Variants in ANKRD28 observed in about 807,000 individuals in gnomAD.
ANKRD28 encodes the protein ankyrin repeat domain 28.
In ANKRD28, 44 loss-of-function variants were observed where a neutral mutation model predicts 126.5. That is an observed-to-expected ratio of 0.35 (90% CI 0.27 to 0.45). The LOEUF (loss-of-function observed/expected upper bound fraction) is 0.45, where lower values mean the gene tolerates loss of function less well. Ranked by LOEUF, ANKRD28 falls within the 20% of genes least tolerant of loss-of-function variation. ANKRD28 has a pLI of 1.00. For synonymous variants in ANKRD28, 442 were observed against 468.5 expected, an observed-to-expected ratio of 0.94 and a Z score of 0.73; for missense variants, 1,110 against 1,316.6, an observed-to-expected ratio of 0.84 and a Z score of 2.43.
intron 9 of ANKRD28, 69 bp from the exon 10 acceptor site, chr3:15,713,710 G>T: frequency 1.0e-6 from 1 of 1,002,226 alleles, no homozygotes; most frequent in Non-Finnish European, 1.4e-6. Context: ...TACATGAAAA[G>T]TAATAAAAAA....
In ANKRD28 at chr3:15,690,213, T is replaced by C. The variant is rs1467133879; in HGVS notation, c.1769A>G (p.His590Arg). 7 of 1,594,568 alleles carry C rather than the reference T, an allele frequency of 4.4e-6. No individual in the cohort carries two copies. The highest frequency in any genetic ancestry group is 4.0e-5 in the African/African-American group (3 of 74,390). Reference protein sequence around the residue: ...TISPLHLAAYHGHHQALEVLV... With the variant: ...TISPLHLAAYRGHHQALEVLV... ...CACTTCCAGTGCTTGATGGTGACCA[T>C]GATAGGCCTAGAAATAAATAAAAAT... The change falls in exon 18 of 28, where the codon CAT becomes CGT. Residue 590 changes from histidine to arginine, a missense_variant. Physicochemically the swap from His to Arg is conservative, Grantham distance 29 (BLOSUM62 0). Transcript: ENST00000683139.
intron 2 of ANKRD28, among the ~76,000 whole-genome samples, chr3:15,790,138 G>A (rs66803844): frequency 0.14 from 20,860 of 152,006 alleles, 2,156 homozygotes; most frequent in East Asian, 0.58. Context: ...CAAGTAATGA[G>A]ATCAAAGCTG....
At chr3:15,825,679 AAC>A (rs1281871427) in intron 1 of ANKRD28, among the ~76,000 whole-genome samples, 4 of 152,188 alleles carry the variant, frequency 2.6e-5, no homozygotes, top group Non-Finnish European at 5.9e-5. Flanking sequence ...TGACCCCTAA[AAC>A]AAAGTAGACT....
chr3:15,824,984 G>C (rs2061027330), intron 1 of ANKRD28, among the ~76,000 whole-genome samples: 1 of 152,120 alleles, frequency 6.6e-6, no homozygotes, highest in Non-Finnish European at 1.5e-5. Context: ...TGGGGGTGAG[G>C]GGTAGTACAA....
At chr3:15,787,947 T>A (rs1188307304) in intron 2 of ANKRD28, among the ~76,000 whole-genome samples, 1 of 152,182 alleles carries the variant, frequency 6.6e-6, no homozygotes, top group Non-Finnish European at 1.5e-5. Context: ...CAGAAGCCAA[T>A]AAGCAGAATA....
chr3:15,757,988 G>T (rs1181301731), intron 3 of ANKRD28, among the ~76,000 whole-genome samples: 1 of 152,158 alleles, frequency 6.6e-6, no homozygotes, highest in Non-Finnish European at 1.5e-5. Flanking sequence ...GCCAGAGTCT[G>T]TATGGCCTGT....
At chr3:15,779,631 G>A (rs1022325539) in intron 2 of ANKRD28, among the ~76,000 whole-genome samples, 3 of 152,142 alleles carry the variant, frequency 2.0e-5, no homozygotes, top group East Asian at 1.9e-4. Context: ...TGCCTCATCT[G>A]TAACGGAGTT....
At chr3:15,766,681 CA>C (rs200877366) in intron 2 of ANKRD28, among the ~76,000 whole-genome samples, 1 of 148,738 alleles carries the variant, frequency 6.7e-6, no homozygotes, top group African/African-American at 2.5e-5. Context: ...CTATTAAAAA[CA>C]AAAAAAAACA....
chr3:15,715,353 C>T lies in ANKRD28; in HGVS notation c.997-697G>A, dbSNP rs73036019. Among the ~76,000 whole-genome samples, 839 of 152,296 alleles carry T rather than the reference C, an allele frequency of 5.5e-3. 7 individuals are homozygous for T. The highest frequency in any genetic ancestry group is 0.014 in the Middle Eastern group (4 of 294). ...ACAGCAACATTCAGCATGCCTTCTG[C>T]ATAGGTACTAAAATGGAAATGTCAC... is the stretch of plus-strand genomic sequence containing the variant. On this transcript the variant is annotated intron_variant, in intron 8 of 27. Coordinates refer to ENST00000683139, the MANE Select transcript of ANKRD28 (RefSeq NM_001349278.2).
At chr3:15,694,663 G>T in intron 17 of ANKRD28, 76 bp downstream of exon 17, 1 of 1,275,668 alleles carries the variant, frequency 7.8e-7, no homozygotes, top group Non-Finnish European at 1.1e-6. Flanking sequence ...GTACTAGTTT[G>T]AGTCAACACA....
In ANKRD28 at chr3:15,850,200, AAAAAAT is replaced by A. The variant is rs1410716996; in HGVS notation, c.27+9171_27+9176del. Reference sequence around the variant, plus strand: ...GGTATCTACATGCAATAAAAAAAAAAAAAAATATATATATATATATATATAGAGAGA... The same window carrying A: ...GGTATCTACATGCAATAAAAAAAAAAATATATATATATATATATAGAGAGA... On this transcript the variant is annotated intron_variant, in intron 1 of 27. Transcript: ENST00000399451. 3.2e-3 allele frequency among the ~76,000 whole-genome samples: 152 copies of A among 47,654 alleles called. 1 individual carries two copies. Among genetic ancestry groups the A allele is most frequent in the Non-Finnish European group, 5.3e-3 (122 of 23,148 alleles). 31.3% of individuals were successfully genotyped at this position (47,654 alleles called of 152,430 possible). A position where few individuals can be genotyped will look rare whatever the true frequency, so the allele number is the denominator to read the frequency against.
In ANKRD28 at chr3:15,707,991, C is replaced by T. The variant is rs777128523; in HGVS notation, c.1480G>A (p.Val494Met). The T allele has an allele frequency of 6.2e-7, 1 of 1,612,106 alleles. No individual in the cohort carries two copies. Among genetic ancestry groups the T allele is most frequent in the South Asian group, 1.1e-5 (1 of 90,604 alleles). ...CAGCCTCTTTCATCAAGGTCATTCA[C>T]ACTTGCTCCTGATCCCACAAGAGCA... ...LFALVGSGAS[V>M]NDLDERGCTP... Residue 494 changes from valine (V) to methionine (M), a missense_variant, in exon 14 of 28, where the codon GTG becomes ATG. Physicochemically the swap from Val to Met is conservative, Grantham distance 21. Coordinates refer to ENST00000683139, the MANE Select transcript of ANKRD28 (RefSeq NM_001349278.2).
chr3:15,842,025 T>C (rs2061433059), intron 1 of ANKRD28, among the ~76,000 whole-genome samples: 1 of 149,492 alleles, frequency 6.7e-6, no homozygotes, highest in Admixed American at 6.7e-5. Flanking sequence ...ATGTTATATA[T>C]TGTGTATAAT....
chr3:15,714,485 C>T (rs2072749216), intron 9 of ANKRD28, 93 bp downstream of exon 9: 1 of 855,264 alleles, frequency 1.2e-6, no homozygotes, highest in Non-Finnish European at 1.7e-6. Context: ...AATGCGATGA[C>T]AATTCCTCAA....
At position 15,812,215 on chromosome 3, in the gene ANKRD28, C is replaced by A. The variant is rs563889755; in HGVS notation, c.28-16909G>T. ...AATAAAATGTTTCTAAGATGATAATCAAAGATGGCATCATAGAGCTGGGCA... is the reference window on the plus strand; with the variant it reads ...AATAAAATGTTTCTAAGATGATAATAAAAGATGGCATCATAGAGCTGGGCA... On this transcript the variant is annotated intron_variant, in intron 1 of 27. Coordinates refer to the ANKRD28 transcript ENST00000399451. The surrounding 1 kb of genome is among the most constrained non-coding windows in gnomAD (Gnocchi z 4.1). Among the ~76,000 whole-genome samples the A allele has an allele frequency of 1.3e-5, 2 of 152,088 alleles. No individual in the cohort carries two copies. The highest frequency in any genetic ancestry group is 2.9e-5 in the Non-Finnish European group (2 of 67,996).
At chr3:15,682,290 G>A (rs1057313281) in intron 21 of ANKRD28, among the ~76,000 whole-genome samples, 2 of 152,076 alleles carry the variant, frequency 1.3e-5, no homozygotes, top group African/African-American at 4.8e-5. Flanking sequence ...TTCTAATACA[G>A]TCAGTATCAA....
At chr3:15,849,653 G>T (rs1239471800) in intron 1 of ANKRD28, among the ~76,000 whole-genome samples, 1 of 152,038 alleles carries the variant, frequency 6.6e-6, no homozygotes, top group African/African-American at 2.4e-5. Context: ...TATTCTTAAG[G>T]AAGTAATCCT....
At chr3:15,703,930 G>C (rs2070985732) in intron 14 of ANKRD28, among the ~76,000 whole-genome samples, 1 of 152,116 alleles carries the variant, frequency 6.6e-6, no homozygotes, top group Non-Finnish European at 1.5e-5. Context: ...CATACACACA[G>C]AGCAATATAA....
intron 1 of ANKRD28, among the ~76,000 whole-genome samples, chr3:15,836,897 G>A (rs1010156611): frequency 9.9e-5 from 15 of 151,004 alleles, no homozygotes; most frequent in Admixed American, 2.0e-4. Context: ...CCAGGAGATC[G>A]ACACCATCCT....
Sources: gnomAD v4.1 joint callset for allele counts (sites outside exome capture counted in the v4.1 genomes callset) on GRCh38, gnomAD v4.1.1 for gene constraint, Gnocchi (gnomAD v3.1) non-coding constraint, MANE v1.5 for transcripts, NCBI Gene and HGNC (gene_info 2026-07-23, HGNC 2026-07-21) for gene names.